Variants in CDK14 observed in about 807,000 individuals in gnomAD.
CDK14 encodes the protein cyclin dependent kinase 14.
CDK14 carries 34 observed loss-of-function variants against 60.7 expected under a neutral mutation model. That is an observed-to-expected ratio of 0.56 (90% CI 0.43 to 0.75). The LOEUF is 0.75. Ranked by LOEUF, CDK14 falls within the 30% of genes least tolerant of loss-of-function variation. CDK14 has a pLI of 0.00. For missense variants in CDK14, 482 were observed against 564.1 expected, an observed-to-expected ratio of 0.85 and a Z score of 1.47; for synonymous variants, 197 against 203.7, an observed-to-expected ratio of 0.97 and a Z score of 0.28.
At chr7:90,746,560 A>C (rs187850668) in intron 3 of CDK14, among the ~76,000 whole-genome samples, 110 of 152,330 alleles carry the variant, frequency 7.2e-4, no homozygotes, top group African/African-American at 2.6e-3. Context: ...GATATTTTTC[A>C]TTCCTTATAT....
intron 14 of CDK14, among the ~76,000 whole-genome samples, chr7:91,137,710 GTGTGTA>G (rs57451245): frequency 3.4e-4 from 49 of 144,638 alleles, no homozygotes; most frequent in Middle Eastern, 3.5e-3. Flanking sequence ...GTGTGTGTGT[GTGTGTA>G]TGTGTGTGTG....
intron 9 of CDK14, among the ~76,000 whole-genome samples, chr7:90,975,635 T>C (rs191126217): frequency 2.0e-5 from 3 of 152,200 alleles, no homozygotes; most frequent in South Asian, 2.1e-4. Context: ...CTAGAACTTA[T>C]TCCTTCCTTC....
chr7:91,134,534 G>A (rs927734794), intron 14 of CDK14, among the ~76,000 whole-genome samples: 8 of 152,088 alleles, frequency 5.3e-5, no homozygotes, highest in African/African-American at 1.9e-4. Flanking sequence ...TGTACTCTTT[G>A]TAGTGCAGAG....
At chr7:90,975,228 C>G (rs1795033984) in intron 9 of CDK14, among the ~76,000 whole-genome samples, 1 of 152,060 alleles carries the variant, frequency 6.6e-6, no homozygotes, top group Non-Finnish European at 1.5e-5. Flanking sequence ...ATTACACACT[C>G]CACCCTACCC....
chr7:91,193,851 A>G (rs1562989918), intron 14 of CDK14, among the ~76,000 whole-genome samples: 1 of 152,190 alleles, frequency 6.6e-6, no homozygotes, highest in Non-Finnish European at 1.5e-5. Context: ...ATATTTTGTC[A>G]GATTCGTTAC....
intron 14 of CDK14, among the ~76,000 whole-genome samples, chr7:91,201,520 A>T (rs1194289426): frequency 6.6e-6 from 1 of 151,714 alleles, no homozygotes; most frequent in East Asian, 1.9e-4. Flanking sequence ...AGGAAGGGCA[A>T]TGCAGCAGGA....
At chr7:90,898,717 G>A (rs1206858791) in intron 6 of CDK14, among the ~76,000 whole-genome samples, 3 of 151,864 alleles carry the variant, frequency 2.0e-5, no homozygotes, top group African/African-American at 7.2e-5. Context: ...AACATATCTG[G>A]ATATATTTAT....
chr7:91,071,454 C>G (rs1234930666), intron 11 of CDK14, among the ~76,000 whole-genome samples: 5 of 152,320 alleles, frequency 3.3e-5, no homozygotes, highest in South Asian at 4.1e-4. Context: ...CCTCACCCCC[C>G]CAGCCAAGGG....
chr7:90,668,959 C>A (rs982160827), intron 2 of CDK14, among the ~76,000 whole-genome samples: 1 of 151,708 alleles, frequency 6.6e-6, no homozygotes, highest in Admixed American at 6.6e-5. Flanking sequence ...CTCAAATGAT[C>A]CCTGCTGCTT....
chr7:91,091,253 AT>A (rs890561083), intron 12 of CDK14, among the ~76,000 whole-genome samples: 63 of 146,478 alleles, frequency 4.3e-4, no homozygotes, highest in Non-Finnish European at 6.3e-4. Flanking sequence ...TGTAAAAAAA[AT>A]ATTTTATTTA....
intron 14 of CDK14, among the ~76,000 whole-genome samples, chr7:91,124,713 A>G (rs990777545): frequency 1.3e-5 from 2 of 152,122 alleles, no homozygotes; most frequent in African/African-American, 4.8e-5. Context: ...TTAAAACCCA[A>G]ATTAATTTCT....
chr7:90,695,419 T>A (rs748133986), intron 2 of CDK14, among the ~76,000 whole-genome samples: 6 of 152,172 alleles, frequency 3.9e-5, no homozygotes, highest in Admixed American at 6.5e-5. Context: ...AGTATAGAAA[T>A]GACTTACTCA....
At chr7:90,925,471 GT>G (rs1793389078) in intron 8 of CDK14, among the ~76,000 whole-genome samples, 1 of 152,220 alleles carries the variant, frequency 6.6e-6, no homozygotes, top group Non-Finnish European at 1.5e-5. Context: ...CAAATGTTTA[GT>G]ATGGTTTCTG....
intron 12 of CDK14, among the ~76,000 whole-genome samples, chr7:91,094,816 G>A (rs1053334637): frequency 1.3e-5 from 2 of 152,160 alleles, no homozygotes; most frequent in African/African-American, 4.8e-5. Flanking sequence ...TACCTTGTAT[G>A]CTCTCCATCA....
intron 11 of CDK14, 29 bp from the exon 12 acceptor site, chr7:91,079,403 T>C (rs377019818): frequency 3.2e-5 from 46 of 1,452,076 alleles, no homozygotes; most frequent in Non-Finnish European, 4.2e-5. Context: ...GATACAAAGA[T>C]TGTTTATCAT....
At chr7:91,074,470 T>G (rs1434228328) in intron 11 of CDK14, among the ~76,000 whole-genome samples, 7 of 152,018 alleles carry the variant, frequency 4.6e-5, no homozygotes, top group African/African-American at 1.2e-4. Context: ...AAAGAGACAA[T>G]GTACCAGAAT....
At chr7:90,779,507 G>T (rs1805216706) in intron 4 of CDK14, among the ~76,000 whole-genome samples, 1 of 152,088 alleles carries the variant, frequency 6.6e-6, no homozygotes. Flanking sequence ...TCCTGCCCCA[G>T]CCTCCCTATT....
chr7:90,663,457 G>C (rs141758937), intron 2 of CDK14, among the ~76,000 whole-genome samples: 1 of 152,278 alleles, frequency 6.6e-6, no homozygotes, highest in East Asian at 1.9e-4. Context: ...GCATTCTCCA[G>C]TTCTTCCCCT....
intron 10 of CDK14, among the ~76,000 whole-genome samples, chr7:91,020,600 C>T (rs1203742990): frequency 2.0e-5 from 3 of 152,198 alleles, no homozygotes; most frequent in Non-Finnish European, 4.4e-5. Context: ...GAGCTTGCCA[C>T]TGTTAACAGT....
Sources: gnomAD v4.1 joint callset for allele counts (sites outside exome capture counted in the v4.1 genomes callset) on GRCh38, gnomAD v4.1.1 for gene constraint, MANE v1.5 for transcripts, NCBI Gene and HGNC (gene_info 2026-07-23, HGNC 2026-07-21) for gene names.